Variants in KLHL4 observed in about 807,000 individuals in gnomAD.
The protein encoded by KLHL4 is kelch-like protein 4.
Under a neutral mutation model 45.8 loss-of-function variants are expected in KLHL4, and 17 were observed. The observed-to-expected ratio is 0.37, with a 90% CI of 0.25 to 0.56. The LOEUF (loss-of-function observed/expected upper bound fraction) is 0.56, where lower values mean the gene tolerates loss of function less well. Among genes scored for constraint, KLHL4 ranks in the 20% least tolerant of loss-of-function variants. The pLI is 0.79. For synonymous variants in KLHL4, 224 were observed against 189.9 expected, an observed-to-expected ratio of 1.18 and a Z score of -1.47; for missense variants, 544 against 544.9, an observed-to-expected ratio of 1.00 and a Z score of 0.02.
chrX:87,614,630 A>T, intron 3 of KLHL4, 60 bp downstream of exon 3: 3 of 943,197 alleles, frequency 3.2e-6, no homozygotes, highest in South Asian at 5.1e-5. Context: ...CATTATTATT[A>T]GTAGTAGTAG....
At chrX:87,605,211 C>A (rs140489121) in intron 1 of KLHL4, among the ~76,000 whole-genome samples, 1,421 of 111,295 alleles carry the variant, frequency 0.013, 21 homozygotes, top group African/African-American at 0.043. Flanking sequence ...GCTCCAACCT[C>A]ATTTTTTTCG....
intron 1 of KLHL4, among the ~76,000 whole-genome samples, chrX:87,551,587 GTAGATAGATAGA>G (rs780160650): frequency 1.9e-5 from 2 of 107,484 alleles, no homozygotes; most frequent in Non-Finnish European, 3.9e-5. Context: ...AAATAGATAG[GTAGATAGATAGA>G]TAGATAGATA....
At chrX:87,607,126 C>A (rs1194804598) in intron 1 of KLHL4, among the ~76,000 whole-genome samples, 1 of 111,149 alleles carries the variant, frequency 9.0e-6, no homozygotes, top group African/African-American at 3.3e-5. Context: ...AGTTTCTGGC[C>A]TATCATATAT....
intron 9 of KLHL4, among the ~76,000 whole-genome samples, chrX:87,641,926 C>G (rs1602459749): frequency 9.2e-6 from 1 of 108,668 alleles, no homozygotes; most frequent in Admixed American, 9.8e-5. Flanking sequence ...ATGCCTAGCC[C>G]CACCCCCACC....
intron 1 of KLHL4, among the ~76,000 whole-genome samples, chrX:87,560,324 G>A (rs1932068131): frequency 9.0e-6 from 1 of 111,721 alleles, no homozygotes. Context: ...CTTTTGCAAG[G>A]CAATAATTGT....
chrX:87,656,529 G>A (rs180852929), intron 9 of KLHL4, among the ~76,000 whole-genome samples: 7 of 107,902 alleles, frequency 6.5e-5, no homozygotes, highest in Non-Finnish European at 1.2e-4. Context: ...CTTTTCAGGA[G>A]TTTCTTTTTT....
In KLHL4 at chrX:87,606,728, TA is replaced by T. The variant is rs1429224397; in HGVS notation, c.423-7145del. Among the ~76,000 whole-genome samples the T allele has an allele frequency of 8.1e-5, 9 of 111,202 alleles. No individual in the cohort carries two copies. The East Asian group carries it at 2.0e-3, about 25-fold the overall frequency. ...TCATTAAAAAAAAGTCTTTCATCAATAAAAGACCCAGGTCTTGATTAATGTA... is the reference window on the plus strand; with the variant it reads ...TCATTAAAAAAAAGTCTTTCATCAATAAAGACCCAGGTCTTGATTAATGTA... On this transcript the variant is annotated intron_variant, in intron 1 of 10. Coordinates refer to ENST00000373119, the MANE Select transcript of KLHL4 (RefSeq NM_019117.5).
intron 9 of KLHL4, among the ~76,000 whole-genome samples, chrX:87,644,221 A>G (rs934829283): frequency 5.4e-5 from 6 of 111,962 alleles, no homozygotes; most frequent in African/African-American, 1.6e-4. Flanking sequence ...TATAAGATTA[A>G]TGTACACAAA....
intron 1 of KLHL4, among the ~76,000 whole-genome samples, chrX:87,585,897 G>A (rs1400977874): frequency 9.0e-6 from 1 of 110,718 alleles, no homozygotes; most frequent in African/African-American, 3.3e-5. Flanking sequence ...TACCTATAAA[G>A]ACACACATAG....
At chrX:87,543,082 G>T (rs189183893) in intron 1 of KLHL4, among the ~76,000 whole-genome samples, 226 of 110,972 alleles carry the variant, frequency 2.0e-3, no homozygotes, top group East Asian at 2.0e-3. Context: ...CTGCTGCCTT[G>T]TGAAGAAGGT....
intron 1 of KLHL4, among the ~76,000 whole-genome samples, chrX:87,527,744 T>C (rs756851342): frequency 1.9e-5 from 2 of 104,335 alleles, no homozygotes; most frequent in East Asian, 6.0e-4. Flanking sequence ...ATATACCATA[T>C]AAAAGTGACA....
chrX:87,522,826 C>T (rs540194565), intron 1 of KLHL4, among the ~76,000 whole-genome samples: 1 of 112,000 alleles, frequency 8.9e-6, no homozygotes, highest in African/African-American at 3.2e-5. Flanking sequence ...TGGTTGATTG[C>T]AAATCCTTGC....
intron 1 of KLHL4, among the ~76,000 whole-genome samples, chrX:87,613,456 G>A (rs1271250437): frequency 1.8e-5 from 2 of 111,807 alleles, no homozygotes; most frequent in Non-Finnish European, 3.8e-5. Flanking sequence ...TGTGTAATGA[G>A]TACTCCAGGG....
At chrX:87,531,384 G>T (rs1203828460) in intron 1 of KLHL4, among the ~76,000 whole-genome samples, 1 of 111,317 alleles carries the variant, frequency 9.0e-6, no homozygotes, top group Non-Finnish European at 1.9e-5. Flanking sequence ...TTCTTCTAGG[G>T]TTTGTATGGT....
chrX:87,577,943 A>G (rs1026902820), intron 1 of KLHL4, among the ~76,000 whole-genome samples: 71 of 111,773 alleles, frequency 6.4e-4, no homozygotes, highest in Non-Finnish European at 7.2e-4. Flanking sequence ...CAATAAATTA[A>G]TTGATATTAC....
At chrX:87,535,865 GT>G (rs1301956274) in intron 1 of KLHL4, among the ~76,000 whole-genome samples, 2 of 109,876 alleles carry the variant, frequency 1.8e-5, no homozygotes, top group Non-Finnish European at 3.8e-5. Context: ...GCAAGCTCTG[GT>G]TGATAAAAGT....
intron 3 of KLHL4, among the ~76,000 whole-genome samples, chrX:87,615,382 T>A (rs1677575859): frequency 9.0e-6 from 1 of 111,550 alleles, no homozygotes; most frequent in Non-Finnish European, 1.9e-5. Context: ...CCCATGAGAA[T>A]TTGGTACCAA....
chrX:87,605,679 T>G (rs1922169511), intron 1 of KLHL4, among the ~76,000 whole-genome samples: 1 of 111,219 alleles, frequency 9.0e-6, no homozygotes, highest in Admixed American at 9.6e-5. Context: ...TGCAAATAGA[T>G]ACAATTTGGC....
Position 87,668,038 on chromosome X carries a change from C to A in KLHL4, c.*1504C>A. 1 of 726,849 alleles carries A rather than the reference C, an allele frequency of 1.4e-6. No homozygotes were observed. Among genetic ancestry groups the A allele is most frequent in the Non-Finnish European group, 1.6e-6 (1 of 614,368 alleles). 59.9% of individuals were successfully genotyped at this position (726,849 alleles called of 1,213,427 possible). A position where few individuals can be genotyped will look rare whatever the true frequency, so the allele number is the denominator to read the frequency against. On this transcript the variant is annotated 3_prime_UTR_variant, in exon 11 of 11. Coordinates refer to ENST00000373119, the MANE Select transcript of KLHL4 (RefSeq NM_019117.5). ...TTAAACACAAAAATAAAATTCCACT[C>A]CTTTATTTCTTCTTACACCTGCCAT...
Sources: allele counts gnomAD v4.1 joint callset (sites outside exome capture counted in the v4.1 genomes callset), GRCh38; gene constraint gnomAD v4.1.1; transcripts MANE v1.5; gene names NCBI Gene and HGNC (gene_info 2026-07-23, HGNC 2026-07-21).